The following STX8 variants were observed in gnomAD, a reference collection of about 807,000 sequenced individuals.
STX8 encodes the protein syntaxin-8.
A neutral mutation model predicts 37.5 loss-of-function variants in STX8; 23 were observed. The observed-to-expected ratio is 0.61, with a 90% CI of 0.44 to 0.87. The LOEUF is 0.87. Ranked by LOEUF, STX8 falls within the 40% of genes least tolerant of loss-of-function variation. STX8 has a pLI of 0.00. For missense variants in STX8, 313 were observed against 284.7 expected (o/e 1.10, Z -0.71); for synonymous variants, 115 against 99.1 (o/e 1.16, Z -0.95).
chr17:9,508,972 G>C (rs1024258129), intron 4 of STX8, among the ~76,000 whole-genome samples: 4 of 152,174 alleles, frequency 2.6e-5, no homozygotes, highest in Non-Finnish European at 5.9e-5. Context: ...AGAAGGACTG[G>C]ATGTGGTGGC....
intron 6 of STX8, among the ~76,000 whole-genome samples, chr17:9,399,550 T>A (rs1386768199): frequency 1.3e-5 from 2 of 152,130 alleles, no homozygotes; most frequent in Non-Finnish European, 2.9e-5. Flanking sequence ...CTGTTTGTCC[T>A]GTTTTGTTTT....
intron 7 of STX8, among the ~76,000 whole-genome samples, chr17:9,311,498 T>G (rs1404337698): frequency 6.6e-6 from 1 of 152,234 alleles, no homozygotes; most frequent in Non-Finnish European, 1.5e-5. Context: ...AATAATCACA[T>G]TTATAGTTAA....
At chr17:9,506,403 C>T (rs924103519) in intron 4 of STX8, among the ~76,000 whole-genome samples, 1 of 24,810 alleles carries the variant, frequency 4.0e-5, no homozygotes, top group Non-Finnish European at 1.4e-4. Context: ...TGGTGCTCAC[C>T]CGCTCCCCCC....
intron 6 of STX8, among the ~76,000 whole-genome samples, chr17:9,455,228 G>A (rs183591681): frequency 3.3e-5 from 5 of 149,450 alleles, no homozygotes; most frequent in East Asian, 2.0e-4. Context: ...GGCTGGGTGC[G>A]GTGGCTCACG....
Position 9,515,710 on chromosome 17 carries a change from G to T in STX8, c.324-10548C>A, listed in dbSNP as rs139344449. Among the ~76,000 whole-genome samples the T allele has an allele frequency of 1.9e-3, 290 of 152,270 alleles. 2 individuals are homozygous for T. Among genetic ancestry groups the T allele is most frequent in the African/African-American group, 6.7e-3 (279 of 41,556 alleles). ...GCTAATTATTTTTATTATTTGTAGA[G>T]ATGGGGTCTCGCTATGTTGCCCAAG... On this transcript the variant is annotated intron_variant, in intron 4 of 7. Coordinates refer to ENST00000306357, the MANE Select transcript of STX8 (RefSeq NM_004853.3).
chr17:9,361,602 G>A (rs1192264050), intron 7 of STX8, among the ~76,000 whole-genome samples: 2 of 152,188 alleles, frequency 1.3e-5, no homozygotes, highest in Non-Finnish European at 2.9e-5. Flanking sequence ...GTGCAGCAAG[G>A]TATTAATTAT....
chr17:9,442,540 G>T (rs1455884958), intron 6 of STX8, among the ~76,000 whole-genome samples: 3 of 152,142 alleles, frequency 2.0e-5, no homozygotes, highest in African/African-American at 7.2e-5. Context: ...TCAAGTAGCT[G>T]GGATTATAGG....
At chr17:9,368,227 A>G (rs9905003) in intron 7 of STX8, among the ~76,000 whole-genome samples, 83,583 of 151,902 alleles carry the variant, frequency 0.55, 24,100 homozygotes, top group African/African-American at 0.73. Context: ...TTGATGGGCC[A>G]GGCATGGTGG....
chr17:9,562,612 A>AT (rs1567611205), intron 2 of STX8, among the ~76,000 whole-genome samples: 121 of 15,630 alleles, frequency 7.7e-3, no homozygotes, highest in African/African-American at 0.01. Flanking sequence ...AAAAAAAAAA[A>AT]AATATATATA....
intron 6 of STX8, among the ~76,000 whole-genome samples, chr17:9,463,232 T>C (rs1305632900): frequency 6.6e-6 from 1 of 152,206 alleles, no homozygotes; most frequent in Non-Finnish European, 1.5e-5. Context: ...ATCTGTAAAA[T>C]GGTAATGTTA....
chr17:9,501,631 C>A (rs1011744371), intron 5 of STX8, among the ~76,000 whole-genome samples: 2 of 151,480 alleles, frequency 1.3e-5, no homozygotes, highest in Non-Finnish European at 2.9e-5. Context: ...ACGGAGGATG[C>A]AGTAAGCCAG....
At chr17:9,272,059 A>T (rs1051408769) in intron 7 of STX8, among the ~76,000 whole-genome samples, 2 of 152,058 alleles carry the variant, frequency 1.3e-5, no homozygotes, top group Non-Finnish European at 2.9e-5. Flanking sequence ...GTTTGACACA[A>T]AGCCCTCTTG....
intron 3 of STX8, among the ~76,000 whole-genome samples, chr17:9,551,660 G>GA (rs1394806665): frequency 6.6e-6 from 1 of 152,064 alleles, no homozygotes; most frequent in Non-Finnish European, 1.5e-5. Flanking sequence ...GTCCTGTGAA[G>GA]AAAAAAGATT....
Position 9,402,991 on chromosome 17 carries a change from G to A in STX8, c.542-24338C>T, listed in dbSNP as rs185424992. On this transcript the variant is annotated intron_variant, in intron 6 of 7. Transcript: ENST00000306357. The stretch of plus-strand genomic sequence containing the variant: ...ATAGCTTCGGTCTGGTGACTGCCTC[G>A]CCACAGCCCTCCTGACATGAACATC... Among the ~76,000 whole-genome samples, 141 of 152,218 alleles carry A rather than the reference G, an allele frequency of 9.3e-4. 5 individuals are homozygous for A. The East Asian group carries it at 0.023, about 25-fold the overall frequency.
chr17:9,365,769 C>T (rs1443904058), intron 7 of STX8, among the ~76,000 whole-genome samples: 1 of 152,192 alleles, frequency 6.6e-6, no homozygotes, highest in East Asian at 1.9e-4. Context: ...GTTAGGAGTT[C>T]GAGACCAGCC....
chr17:9,425,627 A>G (rs911030855), intron 6 of STX8, among the ~76,000 whole-genome samples: 1 of 152,220 alleles, frequency 6.6e-6, no homozygotes, highest in Non-Finnish European at 1.5e-5. Context: ...ATTACAATCC[A>G]TCATGATCAA....
chr17:9,481,606 C>T (rs1906347323), intron 6 of STX8, among the ~76,000 whole-genome samples: 3 of 152,136 alleles, frequency 2.0e-5, no homozygotes, highest in African/African-American at 4.8e-5. Flanking sequence ...TATTAAACCA[C>T]ATGGCATCAT....
intron 7 of STX8, among the ~76,000 whole-genome samples, chr17:9,290,122 A>C (rs915674621): frequency 4.6e-5 from 7 of 152,226 alleles, no homozygotes; most frequent in East Asian, 1.9e-4. Context: ...TAAGAAAGCA[A>C]AACCAAGAAG....
At position 9,489,691 on chromosome 17, in the gene STX8, C is replaced by CT. The variant is rs4063411; in HGVS notation, c.541+2137dup. ...CAGATTTTCTATAAAGCTTACTTTC[C>CT]TTTTTTTTTTTTTTTGAGATGGATT... On this transcript the variant is annotated intron_variant, in intron 6 of 7. Transcript: ENST00000306357. 1.1e-3 allele frequency among the ~76,000 whole-genome samples: 136 copies of CT among 127,384 alleles called. 5 individuals carry two copies. Among genetic ancestry groups the CT allele is most frequent in the East Asian group, 5.1e-3 (24 of 4,726 alleles). 83.6% of individuals were successfully genotyped at this position (127,384 alleles called of 152,430 possible). A position where few individuals can be genotyped will look rare whatever the true frequency, so the allele number is the denominator to read the frequency against.
Sources: allele counts gnomAD v4.1 joint callset (sites outside exome capture counted in the v4.1 genomes callset), GRCh38; gene constraint gnomAD v4.1.1; transcripts MANE v1.5; gene names NCBI Gene and HGNC (gene_info 2026-07-23, HGNC 2026-07-21).